PRDM16: variants seen among roughly 807,000 people sequenced by gnomAD.
PRDM16 encodes the protein PR/SET domain 16.
Under a neutral mutation model 110.6 loss-of-function variants are expected in PRDM16, and 23 were observed. The ratio of observed to expected loss-of-function variants is 0.21; its 90% CI spans 0.15 to 0.29. PRDM16 has a LOEUF of 0.29. PRDM16 is among the 10% of genes least tolerant of loss of function. The pLI, the probability that PRDM16 is intolerant of heterozygous loss-of-function variation, is 1.00. For missense variants in PRDM16, 1,615 were observed against 1,794.3 expected (o/e 0.90, Z 1.81); for synonymous variants, 799 against 781.8 (o/e 1.02, Z -0.37).
rs1014170149 is a variant in PRDM16 at position 3,290,632 on chromosome 1, G to A, written c.438+46495G>A. On this transcript the variant is annotated intron_variant, in intron 3 of 16. Transcript: ENST00000270722. This position sits in a 1 kb window ranked among gnomAD's most constrained non-coding sequence, Gnocchi z 4.8. The stretch of plus-strand genomic sequence containing the variant: ...GCAGGATCCCTCCCAGGACGCAGTG[G>A]TGGGCCCAGGCCGGCCAGCGCTGGC... Among the ~76,000 whole-genome samples the A allele has an allele frequency of 6.6e-6, 1 of 152,176 alleles. No individual in the cohort carries two copies. The highest frequency in any genetic ancestry group is 1.5e-5 in the Non-Finnish European group (1 of 68,042).
chr1:3,071,519 C>G (rs1641760427), intron 1 of PRDM16, among the ~76,000 whole-genome samples: 1 of 152,264 alleles, frequency 6.6e-6, no homozygotes, highest in African/African-American at 2.4e-5. Flanking sequence ...CCGCTTGTCC[C>G]AGGCCCCCCA....
At chr1:3,402,565 G>A (rs1483392314) in intron 5 of PRDM16, among the ~76,000 whole-genome samples, 2 of 152,156 alleles carry the variant, frequency 1.3e-5, no homozygotes, top group Admixed American at 6.5e-5. Flanking sequence ...AGATTGGGGG[G>A]TCCTTTGGTC....
In PRDM16 at chr1:3,346,284, G is replaced by GT. The variant is rs1642361866; in HGVS notation, c.439-38865dup. On this transcript the variant is annotated intron_variant, in intron 3 of 16. Transcript: ENST00000270722. ...CCCTTCCCCAGGACGTCTTGGAGGT[G>GT]TTTGTGCGTCGAGTTCTGTGTGACA... Among the ~76,000 whole-genome samples the GT allele has an allele frequency of 3.9e-5, 6 of 152,230 alleles. No homozygotes were observed. The South Asian group carries it at 1.2e-3, about 32-fold the overall frequency.
intron 2 of PRDM16, among the ~76,000 whole-genome samples, chr1:3,196,525 G>C (rs1036303292): frequency 6.6e-6 from 1 of 152,216 alleles, no homozygotes; most frequent in African/African-American, 2.4e-5. Flanking sequence ...CTCACCGCCC[G>C]GTGCCCCTGC....
At chr1:3,387,573 T>C (rs1213183071) in intron 4 of PRDM16, among the ~76,000 whole-genome samples, 3 of 152,128 alleles carry the variant, frequency 2.0e-5, no homozygotes, top group Non-Finnish European at 4.4e-5. Context: ...ACGTCGGGTG[T>C]TACAGGGCCA....
chr1:3,314,151 A>G (rs1641542365), intron 3 of PRDM16, among the ~76,000 whole-genome samples: 1 of 146,800 alleles, frequency 6.8e-6, no homozygotes, highest in South Asian at 2.1e-4. Context: ...GGAGTGGCCC[A>G]GGGAGTCCTG....
chr1:3,271,252 A>G (rs76507850), intron 3 of PRDM16, among the ~76,000 whole-genome samples: 3,944 of 152,276 alleles, frequency 0.026, 158 homozygotes, highest in African/African-American at 0.086. Context: ...CCGCCAATCA[A>G]GGAGGCTACT....
rs865841752 is a variant in PRDM16, at chr1:3,425,262, T to A, written c.2940-319T>A. The A allele has an allele frequency of 2.2e-4, 44 of 197,658 alleles. No individual in the cohort carries two copies. The Middle Eastern group carries it at 6.7e-3, about 30-fold the overall frequency. 12.2% of individuals were successfully genotyped at this position (197,658 alleles called of 1,614,324 possible). A position where few individuals can be genotyped will look rare whatever the true frequency, so the allele number is the denominator to read the frequency against. ...CTGGCTGATTTTTTTGTATTTTTAG[T>A]AGAGACGGGGTTTCACCATGTCAGC... is the stretch of plus-strand genomic sequence containing the variant. On this transcript the variant is annotated intron_variant, in intron 12 of 16. Coordinates refer to ENST00000270722, the MANE Select transcript of PRDM16 (RefSeq NM_022114.4). This position sits in a 1 kb window ranked among gnomAD's most constrained non-coding sequence, Gnocchi z 6.9.
At chr1:3,310,472 C>A (rs1030991991) in intron 3 of PRDM16, among the ~76,000 whole-genome samples, 4 of 152,172 alleles carry the variant, frequency 2.6e-5, no homozygotes, top group African/African-American at 9.7e-5. Context: ...TTTCTGGCAT[C>A]ACAACCCACA....
At chr1:3,360,522 G>T (rs972436348) in intron 3 of PRDM16, among the ~76,000 whole-genome samples, 12 of 152,204 alleles carry the variant, frequency 7.9e-5, no homozygotes, top group African/African-American at 2.9e-4. Context: ...GGGATGGACT[G>T]TGGCGTAGAT....
At chr1:3,204,570 T>C (rs1638710011) in intron 2 of PRDM16, among the ~76,000 whole-genome samples, 1 of 152,178 alleles carries the variant, frequency 6.6e-6, no homozygotes, top group African/African-American at 2.4e-5. Context: ...TGAACCAGTG[T>C]GTGGGTGAGG....
At chr1:3,165,337 G>A (rs1643939253) in intron 1 of PRDM16, among the ~76,000 whole-genome samples, 1 of 149,922 alleles carries the variant, frequency 6.7e-6, no homozygotes, top group African/African-American at 2.5e-5. Flanking sequence ...TCAGGGGCAT[G>A]GACTCACCTG....
chr1:3,408,719 TGTGA>T (rs1004377176), intron 8 of PRDM16, among the ~76,000 whole-genome samples: 4 of 134,812 alleles, frequency 3.0e-5, no homozygotes, highest in African/African-American at 1.3e-4. Flanking sequence ...CATGAGAGTG[TGTGA>T]GTGTGGGCGC....
At chr1:3,308,563 C>T (rs943327454) in intron 3 of PRDM16, 2 of 152,294 alleles carry the variant, frequency 1.3e-5, no homozygotes, top group Non-Finnish European at 2.9e-5. Context: ...GAGGCCATTT[C>T]GGTGATGCCA....
At chr1:3,317,687 T>C (rs1219755859) in intron 3 of PRDM16, among the ~76,000 whole-genome samples, 2 of 152,190 alleles carry the variant, frequency 1.3e-5, no homozygotes, top group Admixed American at 1.3e-4. Context: ...AGGGCAGCCA[T>C]TGGGCGTGCG....
chr1:3,235,878 G>A (rs1193292406), intron 2 of PRDM16, among the ~76,000 whole-genome samples: 1 of 152,236 alleles, frequency 6.6e-6, no homozygotes, highest in African/African-American at 2.4e-5. Context: ...CTGAGATCTG[G>A]AGCAGCCCAT....
intron 2 of PRDM16, among the ~76,000 whole-genome samples, chr1:3,218,708 A>G (rs1339821869): frequency 6.6e-6 from 1 of 151,976 alleles, no homozygotes; most frequent in African/African-American, 2.4e-5. Context: ...CCTTCTACCC[A>G]CGAGCTGGGG....
Position 3,069,279 on chromosome 1 carries a change from C to A in PRDM16, c.20C>A (p.Ala7Glu). MRSKAR[A>E]RKLAKSDGDV... ...GACACCATGCGATCCAAGGCGAGGG[C>A]GAGGAAGCTAGCCAAAAGTAAGTCT... is the stretch of plus-strand genomic sequence containing the variant. The change falls in exon 1 of 17, where the codon GCG (alanine) becomes GAG (glutamate). Residue 7 changes from alanine to glutamate, a missense_variant. Ala to Glu is a moderately radical substitution (Grantham distance 107). Coordinates refer to ENST00000270722, the MANE Select transcript of PRDM16 (RefSeq NM_022114.4). The surrounding 1 kb of genome is among the most constrained non-coding windows in gnomAD (Gnocchi z 6.1). 1 of 1,555,882 alleles carries A rather than the reference C, an allele frequency of 6.4e-7. No homozygotes were observed. The highest frequency in any genetic ancestry group is 8.7e-7 in the Non-Finnish European group (1 of 1,151,422).
intron 1 of PRDM16, among the ~76,000 whole-genome samples, chr1:3,141,224 T>G (rs78471435): frequency 6.6e-6 from 1 of 152,172 alleles, no homozygotes; most frequent in Non-Finnish European, 1.5e-5. Context: ...TGGGCCAATT[T>G]GGGGGTATTT....
Sources: allele counts gnomAD v4.1 joint callset (sites outside exome capture counted in the v4.1 genomes callset), GRCh38; gene constraint gnomAD v4.1.1; non-coding constraint Gnocchi (gnomAD v3.1); transcripts MANE v1.5; gene names NCBI Gene and HGNC (gene_info 2026-07-23, HGNC 2026-07-21).